Variants in MIPEP observed in about 807,000 individuals in gnomAD.
MIPEP encodes the protein mitochondrial intermediate peptidase.
MIPEP carries 79 observed loss-of-function variants against 90.3 expected under a neutral mutation model. The ratio of observed to expected loss-of-function variants is 0.87; its 90% CI spans 0.73 to 1.05. The LOEUF (loss-of-function observed/expected upper bound fraction) is 1.05, where lower values mean the gene tolerates loss of function less well. MIPEP is among the 50% of genes least tolerant of loss of function. MIPEP has a pLI of 0.00. For synonymous variants in MIPEP, 334 were observed against 315.8 expected, an observed-to-expected ratio of 1.06 and a Z score of -0.61; for missense variants, 940 against 905.6, an observed-to-expected ratio of 1.04 and a Z score of -0.49.
intron 6 of MIPEP, among the ~76,000 whole-genome samples, 158 bp from the exon 7 acceptor site, chr13:23,869,606 A>G (rs1340825605): frequency 2.0e-5 from 3 of 152,224 alleles, no homozygotes; most frequent in Non-Finnish European, 4.4e-5. Flanking sequence ...CAGAGTCATA[A>G]AATAGCATGG....
intron 18 of MIPEP, among the ~76,000 whole-genome samples, chr13:23,740,157 T>C (rs1003340192): frequency 2.0e-5 from 3 of 152,170 alleles, no homozygotes; most frequent in African/African-American, 7.2e-5. Flanking sequence ...AAAGAACTTA[T>C]CTGGTCCCAA....
intron 10 of MIPEP, among the ~76,000 whole-genome samples, chr13:23,858,556 C>G (rs1870143352): frequency 6.6e-6 from 1 of 151,270 alleles, no homozygotes. Context: ...TAAACACATG[C>G]TGAGCCCCTA....
Position 23,837,676 on chromosome 13 carries a change from A to G in MIPEP, c.1419T>C (p.Asn473=), listed in dbSNP as rs1869117158. The G allele has an allele frequency of 6.2e-7, 1 of 1,614,062 alleles. No individual in the cohort carries two copies. The highest frequency in any genetic ancestry group is 1.1e-5 in the South Asian group (1 of 91,092). ...YQLPVVVLML[N]LPRSSRSSPT... ...GAGAACTCCTTGAGGAACGGGGAAGATTCAGCATAAGAACTACAACTGGGA... is the reference window on the plus strand; with the variant it reads ...GAGAACTCCTTGAGGAACGGGGAAGGTTCAGCATAAGAACTACAACTGGGA... The change falls in exon 13 of 19, where the codon AAT becomes AAC. Residue 473 remains asparagine (N), a synonymous_variant. Coordinates refer to ENST00000382172, the MANE Select transcript of MIPEP (RefSeq NM_005932.4).
At chr13:23,756,855 C>G in intron 17 of MIPEP, 1 of 526,064 alleles carries the variant, frequency 1.9e-6, no homozygotes, top group African/African-American at 1.9e-5. Context: ...TTTTGGCTAT[C>G]TGTTCTGTTA....
At chr13:23,888,863 G>A (rs1871654003) in intron 1 of MIPEP, 7 of 607,430 alleles carry the variant, frequency 1.2e-5, no homozygotes, top group Non-Finnish European at 1.4e-5. Context: ...CTGCCAGAAC[G>A]AACTATTCAG....
chr13:23,758,032 C>T lies in MIPEP; in HGVS notation c.1971-1414G>A, dbSNP rs151048433. ...TTAATCAGACTTTTTGATAGCATTA[C>T]AGTATCAAAAACATGCTGACATCAA... On this transcript the variant is annotated intron_variant, in intron 17 of 18. Coordinates refer to ENST00000382172, the MANE Select transcript of MIPEP (RefSeq NM_005932.4). 2.0e-4 allele frequency among the ~76,000 whole-genome samples: 31 copies of T among 152,294 alleles called. 1 individual carries two copies. The East Asian group carries it at 5.4e-3, about 27-fold the overall frequency.
chr13:23,805,159 T>G (rs1042938373), intron 16 of MIPEP, among the ~76,000 whole-genome samples: 1 of 152,224 alleles, frequency 6.6e-6, no homozygotes, highest in African/African-American at 2.4e-5. Flanking sequence ...TTTCTATCAC[T>G]TGCAGCTGAG....
intron 16 of MIPEP, among the ~76,000 whole-genome samples, chr13:23,802,574 G>T (rs1953056325): frequency 6.6e-6 from 1 of 152,128 alleles, no homozygotes; most frequent in Non-Finnish European, 1.5e-5. Context: ...TCTGAAGGCA[G>T]GGGGGGAAGT....
intron 18 of MIPEP, among the ~76,000 whole-genome samples, chr13:23,748,720 T>G (rs9507158): frequency 0.14 from 21,110 of 152,204 alleles, 1,807 homozygotes; most frequent in South Asian, 0.23. Flanking sequence ...TCCTTCCTCC[T>G]AAGTCCCTCA....
In MIPEP at chr13:23,882,858, A is replaced by AT. The variant is rs937575525; in HGVS notation, c.364-1072dup. ...AAAATGAGTTATGTAAATTTACAACATTTTTTTTTTACAAATTACTAATCT... is the reference window on the plus strand; with the variant it reads ...AAAATGAGTTATGTAAATTTACAACATTTTTTTTTTTACAAATTACTAATCT... On this transcript the variant is annotated intron_variant, in intron 2 of 18. Coordinates refer to ENST00000382172, the MANE Select transcript of MIPEP (RefSeq NM_005932.4). Among the ~76,000 whole-genome samples the AT allele has an allele frequency of 5.7e-3, 859 of 149,918 alleles. 12 individuals are homozygous for AT. The highest frequency in any genetic ancestry group is 0.02 in the African/African-American group (798 of 40,836).
intron 10 of MIPEP, among the ~76,000 whole-genome samples, chr13:23,854,969 T>A (rs1869987460): frequency 6.6e-6 from 1 of 151,898 alleles, no homozygotes; most frequent in Non-Finnish European, 1.5e-5. Flanking sequence ...TGAAACTCAT[T>A]ACTCACAGAA....
chr13:23,829,387 C>CCT (rs1253991758), intron 14 of MIPEP, among the ~76,000 whole-genome samples: 1 of 151,682 alleles, frequency 6.6e-6, no homozygotes, highest in Non-Finnish European at 1.5e-5. Context: ...TGGTGGCATG[C>CCT]CTGTAAGCCT....
intron 12 of MIPEP, among the ~76,000 whole-genome samples, chr13:23,838,319 ATT>A (rs577502446): frequency 2.6e-5 from 4 of 151,302 alleles, no homozygotes; most frequent in Admixed American, 6.6e-5. Context: ...AAATTTTTAG[ATT>A]TTTTTTTGTA....
At chr13:23,822,122 A>G (rs1052191773) in intron 14 of MIPEP, among the ~76,000 whole-genome samples, 6 of 152,230 alleles carry the variant, frequency 3.9e-5, no homozygotes, top group Admixed American at 3.9e-4. Flanking sequence ...AGCAGAGATC[A>G]AACATCGTGG....
chr13:23,817,095 G>GT (rs1354688357), intron 14 of MIPEP, among the ~76,000 whole-genome samples: 7 of 152,174 alleles, frequency 4.6e-5, no homozygotes, highest in Non-Finnish European at 1.0e-4. Flanking sequence ...CTGTAGGAAG[G>GT]TTGGTTGCCA....
chr13:23,753,936 A>G (rs888201523), intron 18 of MIPEP, among the ~76,000 whole-genome samples: 1 of 152,228 alleles, frequency 6.6e-6, no homozygotes, highest in Non-Finnish European at 1.5e-5. Flanking sequence ...ACAGTCTTAT[A>G]ACTAAGGAGG....
Position 23,870,005 on chromosome 13 carries a change from A to G in MIPEP, c.786+8T>C, listed in dbSNP as rs973006626. ...ACCTAAACAACAAAGAGAATGAAAC[A>G]TACATACCAAGTCATCTGGTGATTC... On this transcript the variant is annotated splice_region_variant and intron_variant, in intron 6 of 18. Transcript: ENST00000382172. The G allele has an allele frequency of 2.5e-6, 4 of 1,581,018 alleles. No individual in the cohort carries two copies. Among genetic ancestry groups the G allele is most frequent in the Admixed American group, 1.8e-5 (1 of 56,428 alleles).
rs966529535 is a variant in MIPEP, at chr13:23,810,520, A to C, written c.1654-596T>G. Among the ~76,000 whole-genome samples the C allele has an allele frequency of 2.0e-5, 3 of 152,240 alleles. No individual in the cohort carries two copies. In the South Asian group the frequency reaches 6.2e-4, roughly 32 times the overall value. ...GATGAATTAGGCCTAACCCTATAAC[A>C]TACAGATCCTCTTAGAAATAAATTA... On this transcript the variant is annotated intron_variant, in intron 14 of 18. Coordinates refer to ENST00000382172, the MANE Select transcript of MIPEP (RefSeq NM_005932.4).
intron 18 of MIPEP, among the ~76,000 whole-genome samples, chr13:23,731,410 G>A (rs1041735857): frequency 2.6e-5 from 4 of 152,180 alleles, no homozygotes; most frequent in African/African-American, 4.8e-5. Flanking sequence ...AACATGAAGA[G>A]TGAGAGTAGT....
Sources: allele counts gnomAD v4.1 joint callset (sites outside exome capture counted in the v4.1 genomes callset), GRCh38; gene constraint gnomAD v4.1.1; transcripts MANE v1.5; gene names NCBI Gene and HGNC (gene_info 2026-07-23, HGNC 2026-07-21).